The following DISP1 variants were observed in gnomAD, a reference collection of about 807,000 sequenced individuals.
The protein encoded by DISP1 is dispatched RND transporter family member 1.
A neutral mutation model predicts 37.3 loss-of-function variants in DISP1; 30 were observed. The observed-to-expected ratio is 0.80, with a 90% CI of 0.60 to 1.09. The LOEUF (loss-of-function observed/expected upper bound fraction) is 1.09. DISP1 is among the 50% of genes least tolerant of loss of function. DISP1 has a pLI of 0.00. For missense variants in DISP1, 1,598 were observed against 1,879.5 expected (o/e 0.85, Z 2.77); for synonymous variants, 634 against 690.2 (o/e 0.92, Z 1.28).
chr1:222,988,221 A>G (rs1678414535), intron 4 of DISP1, among the ~76,000 whole-genome samples: 1 of 152,218 alleles, frequency 6.6e-6, no homozygotes, highest in Admixed American at 6.5e-5. Context: ...AACCCATATG[A>G]TTTTGCATAG....
At position 222,816,624 on chromosome 1, in the gene DISP1, C is replaced by T. The variant is rs1661302225; in HGVS notation, c.-159+1546C>T. The stretch of plus-strand genomic sequence containing the variant: ...TATTGGTACTGCGATATCTTGCTAG[C>T]TTATAAATTCTTGATGGCCTTGAAT... On this transcript the variant is annotated intron_variant, in intron 1 of 8. Transcript: ENST00000675850. Among the ~76,000 whole-genome samples, 4 of 152,172 alleles carry T rather than the reference C, an allele frequency of 2.6e-5. No homozygotes were observed. The South Asian group carries it at 8.3e-4, about 32-fold the overall frequency.
At chr1:222,816,762 G>A (rs1661341011) in intron 1 of DISP1, among the ~76,000 whole-genome samples, 1 of 152,162 alleles carries the variant, frequency 6.6e-6, no homozygotes, top group South Asian at 2.1e-4. Flanking sequence ...ACATGTAAAT[G>A]AGCATATTGA....
intron 1 of DISP1, among the ~76,000 whole-genome samples, chr1:222,915,103 G>C (rs750234737): frequency 3.9e-5 from 6 of 152,220 alleles, no homozygotes; most frequent in Non-Finnish European, 7.3e-5. Flanking sequence ...CTGAGTCGCT[G>C]TTGTCAGTGT....
Position 222,992,234 on chromosome 1 carries a change from C to G in DISP1, c.889+124C>G, listed in dbSNP as rs1572717600. 7.3e-6 allele frequency: 6 copies of G among 818,346 alleles called. No individual in the cohort carries two copies. In the East Asian group the frequency reaches 1.6e-4, roughly 22 times the overall value. The allele number at this position is 818,346 out of a possible 1,614,324, so 50.7% of individuals were successfully genotyped here. A position where few individuals can be genotyped will look rare whatever the true frequency, so the allele number is the denominator to read the frequency against. On this transcript the variant is annotated intron_variant, in intron 7 of 8. Transcript: ENST00000675850. Reference sequence around the variant, plus strand: ...ACACAGCTTCACTGTTGCTGTTGAACCTAAAGAAATTTTGGCTAATTAACT... The same window carrying G: ...ACACAGCTTCACTGTTGCTGTTGAAGCTAAAGAAATTTTGGCTAATTAACT...
chr1:222,954,825 A>G (rs972841911), intron 3 of DISP1, among the ~76,000 whole-genome samples: 4 of 152,158 alleles, frequency 2.6e-5, no homozygotes, highest in African/African-American at 9.7e-5. Flanking sequence ...CTTGGGCAAC[A>G]TAGTGAGACC....
At chr1:222,982,529 T>A (rs1160543087) in intron 3 of DISP1, among the ~76,000 whole-genome samples, 1 of 152,044 alleles carries the variant, frequency 6.6e-6, no homozygotes, top group Non-Finnish European at 1.5e-5. Flanking sequence ...AATAAAACAG[T>A]ATGGGAAAGA....
chr1:222,848,334 G>A (rs1668035204), intron 1 of DISP1, among the ~76,000 whole-genome samples: 1 of 151,930 alleles, frequency 6.6e-6, no homozygotes, highest in Non-Finnish European at 1.5e-5. Flanking sequence ...AGTATAAAAT[G>A]GTCAACACGT....
At chr1:222,885,329 A>C (rs1348566594) in intron 1 of DISP1, among the ~76,000 whole-genome samples, 1 of 151,828 alleles carries the variant, frequency 6.6e-6, no homozygotes, top group African/African-American at 2.4e-5. Flanking sequence ...GGCCATTTGG[A>C]GTTCCTTTGA....
At chr1:222,847,399 A>G (rs1214544362) in intron 1 of DISP1, among the ~76,000 whole-genome samples, 1 of 152,202 alleles carries the variant, frequency 6.6e-6, no homozygotes, top group Non-Finnish European at 1.5e-5. Context: ...GCTCATTGCT[A>G]TGAACACATC....
intron 1 of DISP1, among the ~76,000 whole-genome samples, chr1:222,916,677 C>T (rs1361069649): frequency 1.3e-5 from 2 of 152,130 alleles, no homozygotes; most frequent in Non-Finnish European, 2.9e-5. Flanking sequence ...CCTAACAACA[C>T]GTCTGTGTTG....
intron 1 of DISP1, among the ~76,000 whole-genome samples, chr1:222,894,293 C>A (rs1282716219): frequency 2.0e-5 from 3 of 152,180 alleles, no homozygotes; most frequent in African/African-American, 7.2e-5. Flanking sequence ...TGCCTCCTGA[C>A]ACCGTAAGTC....
chr1:222,998,691 G>C (rs894006666), intron 8 of DISP1, among the ~76,000 whole-genome samples: 1 of 152,038 alleles, frequency 6.6e-6, no homozygotes, highest in Non-Finnish European at 1.5e-5. Flanking sequence ...CTCTAATCTT[G>C]ACTCTGCTGG....
chr1:222,881,457 A>G (rs1293369024), intron 1 of DISP1, among the ~76,000 whole-genome samples: 2 of 152,172 alleles, frequency 1.3e-5, no homozygotes, highest in Non-Finnish European at 2.9e-5. Context: ...CGGCCTCCCA[A>G]AGTGCTGGGA....
rs1678734053 is a variant in DISP1 at position 222,992,066 on chromosome 1, T to C, written c.845T>C (p.Val282Ala). The C allele has an allele frequency of 6.2e-7, 1 of 1,613,932 alleles. No individual in the cohort carries two copies. The highest frequency in any genetic ancestry group is 1.3e-5 in the African/African-American group (1 of 74,926). Reference protein sequence around the residue: ...DDHYEREKREVDWNFHKDSFF... With the variant: ...DDHYEREKREADWNFHKDSFF... ...CATTATGAAAGAGAGAAAAGAGAAG[T>C]TGACTGGAACTTCCACAAGGACAGC... The change falls in exon 7 of 9, where the codon GTT (valine) becomes GCT (alanine). Residue 282 changes from valine to alanine, a missense_variant. Val to Ala is a moderately conservative substitution (Grantham distance 64, BLOSUM62 0). Transcript: ENST00000675850.
At chr1:222,936,785 AATATATATAATATATTATATATATAAATT>A (rs1228697009) in intron 2 of DISP1, among the ~76,000 whole-genome samples, 1 of 67,040 alleles carries the variant, frequency 1.5e-5, no homozygotes, top group Non-Finnish European at 2.8e-5. Flanking sequence ...TATCATATAT[AATATATATAATATATTATATATATAAATT>A]ATATATAATA....
intron 1 of DISP1, among the ~76,000 whole-genome samples, chr1:222,887,239 G>A (rs1224714480): frequency 6.6e-6 from 1 of 152,152 alleles, no homozygotes; most frequent in Non-Finnish European, 1.5e-5. Flanking sequence ...TGTTAAGGCA[G>A]GCACATTTTT....
At chr1:222,985,073 G>C (rs900987661) in intron 4 of DISP1, among the ~76,000 whole-genome samples, 1 of 152,106 alleles carries the variant, frequency 6.6e-6, no homozygotes, top group African/African-American at 2.4e-5. Flanking sequence ...GAAAAAATGA[G>C]GGAAAGAGGT....
At chr1:222,879,163 G>A (rs1670137304) in intron 1 of DISP1, among the ~76,000 whole-genome samples, 4 of 152,098 alleles carry the variant, frequency 2.6e-5, no homozygotes, top group Admixed American at 2.6e-4. Context: ...GCTTGTTAGT[G>A]TAACATTTGT....
At chr1:222,883,115 C>T (rs1670371359) in intron 1 of DISP1, among the ~76,000 whole-genome samples, 1 of 152,006 alleles carries the variant, frequency 6.6e-6, no homozygotes, top group Admixed American at 6.6e-5. Context: ...TATTAAGGCT[C>T]AGATTTGTCT....
Sources: gnomAD v4.1 joint callset for allele counts (sites outside exome capture counted in the v4.1 genomes callset) on GRCh38, gnomAD v4.1.1 for gene constraint, MANE v1.5 for transcripts, NCBI Gene and HGNC (gene_info 2026-07-23, HGNC 2026-07-21) for gene names.